The following SDK1 variants were observed in gnomAD, a reference collection of about 807,000 sequenced individuals.
The protein encoded by SDK1 is sidekick cell adhesion molecule 1.
A neutral mutation model predicts 245.5 loss-of-function variants in SDK1; 157 were observed. The observed-to-expected ratio is 0.64, with a 90% CI of 0.56 to 0.73. The LOEUF is 0.73. Among genes scored for constraint, SDK1 ranks in the 30% least tolerant of loss-of-function variants. The probability of loss-of-function intolerance (pLI) is 0.00; values close to 1 mark genes in which losing one functional copy is unlikely to be tolerated. For missense variants in SDK1, 3,583 were observed against 3,002.3 expected (o/e 1.19, Z -4.52); for synonymous variants, 1,647 against 1,278.5 (o/e 1.29, Z -6.15).
intron 5 of SDK1, among the ~76,000 whole-genome samples, chr7:3,822,092 T>A (rs1390718870): frequency 6.6e-6 from 1 of 152,212 alleles, no homozygotes; most frequent in African/African-American, 2.4e-5. Flanking sequence ...TGCACACAAA[T>A]CATGGGTATT....
At chr7:3,962,442 G>T (rs1781772548) in intron 8 of SDK1, among the ~76,000 whole-genome samples, 1 of 152,190 alleles carries the variant, frequency 6.6e-6, no homozygotes, top group African/African-American at 2.4e-5. Flanking sequence ...AGCCAGGGCG[G>T]CCACAGTTCA....
chr7:4,029,983 C>T (rs1353811626), intron 17 of SDK1, among the ~76,000 whole-genome samples: 1 of 152,212 alleles, frequency 6.6e-6, no homozygotes, highest in African/African-American at 2.4e-5. Context: ...CCAGTTATAA[C>T]ACTTGGGGTT....
chr7:3,571,876 C>G (rs1014936545), intron 1 of SDK1, among the ~76,000 whole-genome samples: 1 of 151,980 alleles, frequency 6.6e-6, no homozygotes, highest in Non-Finnish European at 1.5e-5. Flanking sequence ...AAAAGCTAAT[C>G]GGTATATTTC....
chr7:3,466,393 G>C (rs1449607662), intron 1 of SDK1, among the ~76,000 whole-genome samples: 1 of 149,950 alleles, frequency 6.7e-6, no homozygotes, highest in Admixed American at 6.7e-5. Flanking sequence ...TCTGAAGTTG[G>C]AGAAATGCTG....
At chr7:3,980,291 G>T (rs573748904) in intron 13 of SDK1, among the ~76,000 whole-genome samples, 8 of 152,226 alleles carry the variant, frequency 5.3e-5, no homozygotes, top group Admixed American at 3.9e-4. Flanking sequence ...CGTACTGTTG[G>T]GTTTCCGTTA....
intron 1 of SDK1, among the ~76,000 whole-genome samples, chr7:3,464,717 C>T (rs2056476): frequency 0.65 from 95,267 of 145,724 alleles, 30,995 homozygotes; most frequent in African/African-American, 0.71. Context: ...TATATATATA[C>T]ACACACACAC....
At chr7:3,641,502 A>G (rs1339825919) in intron 3 of SDK1, among the ~76,000 whole-genome samples, 3 of 152,192 alleles carry the variant, frequency 2.0e-5, no homozygotes, top group African/African-American at 2.4e-5. Flanking sequence ...TGCAGGAGAC[A>G]GTGACCTCAC....
intron 1 of SDK1, among the ~76,000 whole-genome samples, chr7:3,430,166 C>T (rs1056334576): frequency 2.0e-5 from 3 of 152,244 alleles, no homozygotes; most frequent in Middle Eastern, 3.4e-3. Context: ...CCTTCATCTC[C>T]GCATGCTCCT....
intron 9 of SDK1, among the ~76,000 whole-genome samples, chr7:3,966,035 C>G (rs556424657): frequency 6.6e-6 from 1 of 151,836 alleles, no homozygotes; most frequent in Non-Finnish European, 1.5e-5. Context: ...TCGGGAGCTG[C>G]GAGCAAGCAG....
At chr7:4,130,847 G>C (rs1277456871) in intron 27 of SDK1, among the ~76,000 whole-genome samples, 1 of 152,122 alleles carries the variant, frequency 6.6e-6, no homozygotes, top group Non-Finnish European at 1.5e-5. Context: ...ACCCACCCTG[G>C]GGATCGGAGT....
intron 3 of SDK1, 70 bp from the exon 4 acceptor site, chr7:3,641,888 T>A: frequency 2.3e-6 from 3 of 1,292,276 alleles, no homozygotes; most frequent in East Asian, 4.7e-5. Context: ...CTTACCTGTT[T>A]CCATCTGTGA....
At chr7:3,961,870 C>G (rs752864659) in intron 8 of SDK1, among the ~76,000 whole-genome samples, 1 of 152,106 alleles carries the variant, frequency 6.6e-6, no homozygotes, top group Non-Finnish European at 1.5e-5. Flanking sequence ...CACAGACACA[C>G]ATAGAAACAC....
chr7:3,887,352 G>A (rs1489431214), intron 5 of SDK1, among the ~76,000 whole-genome samples: 1 of 152,204 alleles, frequency 6.6e-6, no homozygotes, highest in Non-Finnish European at 1.5e-5. Context: ...TTACATGAAA[G>A]CTGACAAGTA....
At chr7:3,479,336 C>T (rs1405460643) in intron 1 of SDK1, among the ~76,000 whole-genome samples, 1 of 143,106 alleles carries the variant, frequency 7.0e-6, no homozygotes, top group East Asian at 2.1e-4. Flanking sequence ...GCAGGAGAAT[C>T]GATTGAACCC....
intron 1 of SDK1, among the ~76,000 whole-genome samples, chr7:3,420,888 T>A (rs1779516908): frequency 6.6e-6 from 1 of 152,172 alleles, no homozygotes; most frequent in Admixed American, 6.5e-5. Flanking sequence ...TAGCTATTTA[T>A]CCTGATGCTC....
intron 4 of SDK1, among the ~76,000 whole-genome samples, chr7:3,792,725 TGTCCATCCATCC>T (rs1778843172): frequency 6.7e-6 from 1 of 148,858 alleles, no homozygotes; most frequent in African/African-American, 2.5e-5. Flanking sequence ...TCCATCCGTC[TGTCCATCCATCC>T]GTCCAACTAC....
chr7:3,910,513 A>G (rs1779126741), intron 5 of SDK1, among the ~76,000 whole-genome samples: 1 of 152,206 alleles, frequency 6.6e-6, no homozygotes, highest in Non-Finnish European at 1.5e-5. Context: ...GGAGGTCACC[A>G]AAAAGTACTG....
intron 1 of SDK1, among the ~76,000 whole-genome samples, chr7:3,481,246 A>G (rs182446240): frequency 1.3e-5 from 2 of 152,218 alleles, no homozygotes; most frequent in Non-Finnish European, 2.9e-5. Flanking sequence ...TGAGAAAACT[A>G]AGACACAGAG....
intron 1 of SDK1, among the ~76,000 whole-genome samples, chr7:3,447,966 A>C (rs1159444503): frequency 2.0e-5 from 3 of 152,054 alleles, no homozygotes; most frequent in African/African-American, 7.2e-5. Flanking sequence ...AGCCTCCCAC[A>C]GTGCTGGGAT....
Sources: gnomAD v4.1 joint callset for allele counts (sites outside exome capture counted in the v4.1 genomes callset) on GRCh38, gnomAD v4.1.1 for gene constraint, MANE v1.5 for transcripts, NCBI Gene and HGNC (gene_info 2026-07-23, HGNC 2026-07-21) for gene names.